The following TRIM9 variants were observed in gnomAD, a reference collection of about 807,000 sequenced individuals.
TRIM9 encodes the protein E3 ubiquitin-protein ligase TRIM9.
Under a neutral mutation model 78.3 loss-of-function variants are expected in TRIM9, and 26 were observed. That is an observed-to-expected ratio of 0.33 (90% CI 0.24 to 0.46). The LOEUF (loss-of-function observed/expected upper bound fraction) is 0.46, where lower values mean the gene tolerates loss of function less well. TRIM9 is among the 20% of genes least tolerant of loss of function. The pLI is 1.00. For synonymous variants in TRIM9, 398 were observed against 416.5 expected (o/e 0.96, Z 0.54); for missense variants, 787 against 1,036.4 (o/e 0.76, Z 3.30).
At chr14:51,017,704 G>A (rs1299373921) in intron 3 of TRIM9, among the ~76,000 whole-genome samples, 1 of 152,234 alleles carries the variant, frequency 6.6e-6, no homozygotes, top group Non-Finnish European at 1.5e-5. Context: ...GTATGAGTTA[G>A]GTGCCTTCTG....
intron 8 of TRIM9, 34 bp downstream of exon 8, chr14:50,985,922 G>C: frequency 1.4e-6 from 2 of 1,441,152 alleles, no homozygotes; most frequent in Non-Finnish European, 1.8e-6. Context: ...AAGGCACAGA[G>C]ATCAAGGGGA....
intron 3 of TRIM9, among the ~76,000 whole-genome samples, chr14:51,022,112 TTTAC>T (rs2057811302): frequency 1.3e-5 from 2 of 152,392 alleles, no homozygotes; most frequent in Admixed American, 6.5e-5. Context: ...TACTCCATAT[TTTAC>T]TTACTTATTG....
chr14:50,983,604 T>C (rs548394663), intron 8 of TRIM9, among the ~76,000 whole-genome samples, 183 bp from the exon 9 acceptor site: 22 of 152,328 alleles, frequency 1.4e-4, no homozygotes, highest in African/African-American at 4.8e-4. Flanking sequence ...TCTTTCAAAA[T>C]GAAAAGCACA....
At chr14:50,992,768 A>T (rs1317966127) in intron 7 of TRIM9, among the ~76,000 whole-genome samples, 2 of 152,230 alleles carry the variant, frequency 1.3e-5, no homozygotes, top group East Asian at 3.8e-4. Context: ...TGAAAGGGGC[A>T]GCGTGATGCT....
chr14:51,052,959 C>T (rs2140093608), intron 1 of TRIM9, among the ~76,000 whole-genome samples: 1 of 152,156 alleles, frequency 6.6e-6, no homozygotes, highest in South Asian at 2.1e-4. Flanking sequence ...GAGTTTCAGA[C>T]CAGCCTGGGC....
intron 4 of TRIM9, among the ~76,000 whole-genome samples, chr14:51,009,954 CAGA>C (rs1390188816): frequency 6.6e-6 from 1 of 152,122 alleles, no homozygotes; most frequent in Non-Finnish European, 1.5e-5. Flanking sequence ...TTCTGGCCAG[CAGA>C]AGGTGTCAAG....
At chr14:51,086,767 G>A (rs2063791117) in intron 1 of TRIM9, among the ~76,000 whole-genome samples, 1 of 152,042 alleles carries the variant, frequency 6.6e-6, no homozygotes, top group African/African-American at 2.4e-5. Flanking sequence ...GAAGAGGAAG[G>A]GGACTGAAAT....
At position 51,094,966 on chromosome 14, in the gene TRIM9, A is replaced by C; in HGVS notation, c.-27T>G. The C allele has an allele frequency of 7.2e-7, 1 of 1,392,160 alleles. No individual in the cohort carries two copies. Among genetic ancestry groups the C allele is most frequent in the Non-Finnish European group, 9.4e-7 (1 of 1,068,546 alleles). The allele number at this position is 1,392,160 out of a possible 1,614,324, so 86.2% of individuals were successfully genotyped here. On this transcript the variant is annotated 5_prime_UTR_variant, in exon 1 of 13. Coordinates refer to ENST00000684578, the MANE Select transcript of TRIM9 (RefSeq NM_001387360.1). ...GGGACCGGTCTGGGAGGAGACAGCGACGGCTGCAGCGGGTGCCTGAGCTGG... is the reference window on the plus strand; with the variant it reads ...GGGACCGGTCTGGGAGGAGACAGCGCCGGCTGCAGCGGGTGCCTGAGCTGG...
At chr14:51,073,243 A>T (rs1352423978) in intron 1 of TRIM9, among the ~76,000 whole-genome samples, 1 of 152,222 alleles carries the variant, frequency 6.6e-6, no homozygotes, top group Non-Finnish European at 1.5e-5. Context: ...TAACTTTTGC[A>T]GGATATACTA....
At chr14:50,990,066 G>GAGTGT (rs751484454) in intron 7 of TRIM9, among the ~76,000 whole-genome samples, 1 of 152,172 alleles carries the variant, frequency 6.6e-6, no homozygotes, top group Non-Finnish European at 1.5e-5. Context: ...ATCCAGGCTA[G>GAGTGT]AGTGTAGTGG....
intron 1 of TRIM9, 78 bp from the exon 2 acceptor site, chr14:51,025,438 G>A: frequency 7.5e-7 from 1 of 1,338,430 alleles, no homozygotes; most frequent in Non-Finnish European, 1.1e-6. Flanking sequence ...CAAAACTGAA[G>A]AGTCATCAAC....
At chr14:51,019,734 T>A (rs949335350) in intron 3 of TRIM9, among the ~76,000 whole-genome samples, 1 of 152,196 alleles carries the variant, frequency 6.6e-6, no homozygotes, top group South Asian at 2.1e-4. Flanking sequence ...CAATGCCCTA[T>A]GAGGTACCAC....
chr14:51,070,251 G>A (rs370694389), intron 1 of TRIM9, among the ~76,000 whole-genome samples: 12 of 152,294 alleles, frequency 7.9e-5, no homozygotes, highest in Admixed American at 3.9e-4. Context: ...GTTATAGTGC[G>A]ATGGCTGTGA....
At chr14:51,000,490 G>A (rs188096652) in intron 6 of TRIM9, among the ~76,000 whole-genome samples, 193 bp downstream of exon 6, 13 of 152,328 alleles carry the variant, frequency 8.5e-5, no homozygotes, top group Admixed American at 7.8e-4. Context: ...GAAGGGTAGG[G>A]CAGTTTCAGA....
chr14:51,015,343 C>T (rs1279475584), intron 3 of TRIM9, among the ~76,000 whole-genome samples: 1 of 151,704 alleles, frequency 6.6e-6, no homozygotes, highest in African/African-American at 2.4e-5. Context: ...TGTGACACAA[C>T]CAGAAGCAAG....
At chr14:51,036,854 T>C (rs557150531) in intron 1 of TRIM9, among the ~76,000 whole-genome samples, 1 of 152,208 alleles carries the variant, frequency 6.6e-6, no homozygotes, top group Non-Finnish European at 1.5e-5. Context: ...ACAGGGAAAT[T>C]TGGGCTATCT....
chr14:50,994,239 C>G (rs2053908713), intron 7 of TRIM9, among the ~76,000 whole-genome samples: 1 of 152,130 alleles, frequency 6.6e-6, no homozygotes, highest in Non-Finnish European at 1.5e-5. Context: ...GACCACATCT[C>G]TACAAAAAAT....
intron 1 of TRIM9, among the ~76,000 whole-genome samples, chr14:51,026,641 T>A (rs1284482671): frequency 2.6e-5 from 4 of 152,212 alleles, no homozygotes; most frequent in Non-Finnish European, 5.9e-5. Context: ...CTCTTGGTGC[T>A]GTGAATGCTT....
At chr14:51,029,866 A>C (rs75144305) in intron 1 of TRIM9, among the ~76,000 whole-genome samples, 6,116 of 152,156 alleles carry the variant, frequency 0.04, 423 homozygotes, top group African/African-American at 0.14. Context: ...CCAGCCTCCC[A>C]AAAAAAGAGA....
Sources: gnomAD v4.1 joint callset for allele counts (sites outside exome capture counted in the v4.1 genomes callset) on GRCh38, gnomAD v4.1.1 for gene constraint, MANE v1.5 for transcripts, NCBI Gene and HGNC (gene_info 2026-07-23, HGNC 2026-07-21) for gene names.